PRKCQ: variants seen among roughly 807,000 people sequenced by gnomAD.
PRKCQ encodes protein kinase C theta type.
A neutral mutation model predicts 91.2 loss-of-function variants in PRKCQ; 41 were observed. That is an observed-to-expected ratio of 0.45 (90% confidence interval 0.35 to 0.58). The LOEUF is 0.58. Ranked by LOEUF, PRKCQ falls within the 20% of genes least tolerant of loss-of-function variation. PRKCQ has a pLI of 0.00. For missense variants in PRKCQ, 673 were observed against 896.5 expected (o/e 0.75, Z 3.18); for synonymous variants, 307 against 316.9 (o/e 0.97, Z 0.33).
At chr10:6,526,494 G>A (rs942021853) in intron 1 of PRKCQ, among the ~76,000 whole-genome samples, 2 of 152,126 alleles carry the variant, frequency 1.3e-5, no homozygotes, top group East Asian at 1.9e-4. Flanking sequence ...TGGGTGGGGC[G>A]GCAGGGAGGG....
the PRKCQ span, among the ~76,000 whole-genome samples, chr10:6,417,564 C>T: frequency 1.3e-5 from 2 of 152,210 alleles, no homozygotes; most frequent in East Asian, 1.9e-4. Context: ...ACGATGCCAG[C>T]GTGATGCTCA....
chr10:6,511,745 A>C (rs189498127), intron 2 of PRKCQ, among the ~76,000 whole-genome samples: 140 of 152,306 alleles, frequency 9.2e-4, no homozygotes, highest in African/African-American at 2.2e-3. Context: ...TGATCTGGTG[A>C]GTTTCAGTTC....
At chr10:6,463,863 C>T (rs947739269) in intron 13 of PRKCQ, among the ~76,000 whole-genome samples, 11 of 152,148 alleles carry the variant, frequency 7.2e-5, no homozygotes, top group Admixed American at 3.3e-4. Context: ...CTCAGGCTGC[C>T]GGCACTAGGA....
chr10:6,456,536 GT>G, intron 15 of PRKCQ, 137 bp downstream of exon 15: 2 of 1,134,104 alleles, frequency 1.8e-6, no homozygotes, highest in Non-Finnish European at 2.4e-6. Context: ...GCATGGTGGC[GT>G]TTATGAGATA....
chr10:6,426,881 C>T (rs12248358), downstream of PRKCQ, among the ~76,000 whole-genome samples: 14,027 of 152,120 alleles, frequency 0.092, 2,117 homozygotes, highest in African/African-American at 0.32. Context: ...GATTATAGGC[C>T]CCCGCCACCA....
Position 6,479,089 on chromosome 10 carries a change from T to A in PRKCQ, c.1256A>T (p.Asp419Val). 1 of 1,614,212 alleles carries A rather than the reference T, an allele frequency of 6.2e-7. No individual in the cohort carries two copies. Among genetic ancestry groups the A allele is most frequent in the Non-Finnish European group, 8.5e-7 (1 of 1,180,040 alleles). Residue 419 changes from aspartate to valine, a missense_variant, in exon 12 of 18, where the codon GAC (aspartate) becomes GTC (valine). Physicochemically the swap from Asp to Val is radical, Grantham distance 152. Coordinates refer to ENST00000263125, the MANE Select transcript of PRKCQ (RefSeq NM_006257.5). Reference protein sequence around the residue: ...KALKKDVVLMDDDVECTMVEK... With the variant: ...KALKKDVVLMVDDVECTMVEK... ...TACCATCGTGCACTCAACATCATCGTCCATCAAGACCACATCTTTCTTTAA... is the reference window on the plus strand; with the variant it reads ...TACCATCGTGCACTCAACATCATCGACCATCAAGACCACATCTTTCTTTAA...
intron 1 of PRKCQ, among the ~76,000 whole-genome samples, chr10:6,538,288 C>T (rs1839655862): frequency 6.6e-6 from 1 of 152,242 alleles, no homozygotes; most frequent in African/African-American, 2.4e-5. Flanking sequence ...GGTATGCCAG[C>T]CTGGGCCAAC....
At chr10:6,499,961 T>C (rs11259245) in intron 4 of PRKCQ, among the ~76,000 whole-genome samples, 15,319 of 152,284 alleles carry the variant, frequency 0.1, 1,087 homozygotes, top group Admixed American at 0.18. Flanking sequence ...TGTCCGCAGA[T>C]TTGTTTTATG....
chr10:6,413,420 A>G, the PRKCQ span, among the ~76,000 whole-genome samples: 1 of 152,110 alleles, frequency 6.6e-6, no homozygotes, highest in Non-Finnish European at 1.5e-5. Context: ...ATTCTTCAAC[A>G]TGAATATTTT....
At chr10:6,421,485 A>T in the PRKCQ span, among the ~76,000 whole-genome samples, 1 of 152,196 alleles carries the variant, frequency 6.6e-6, no homozygotes, top group African/African-American at 2.4e-5. The surrounding 1 kb of genome is among the most constrained non-coding windows in gnomAD (Gnocchi z 4.1). Context: ...GCCTGTCTCA[A>T]AGAAAGAAAA....
chr10:6,456,283 CTG>C (rs1214335786), intron 15 of PRKCQ, among the ~76,000 whole-genome samples: 9 of 152,248 alleles, frequency 5.9e-5, no homozygotes, highest in African/African-American at 2.2e-4. Context: ...GGCAATCACT[CTG>C]TGCTTACATC....
downstream of PRKCQ, among the ~76,000 whole-genome samples, chr10:6,424,801 C>A (rs1833078475): frequency 6.6e-6 from 1 of 152,192 alleles, no homozygotes; most frequent in South Asian, 2.1e-4. Context: ...CTCTCGTGCA[C>A]AGGGAGCTCT....
At chr10:6,460,485 T>C (rs1252905153) in intron 14 of PRKCQ, among the ~76,000 whole-genome samples, 1 of 152,100 alleles carries the variant, frequency 6.6e-6, no homozygotes, top group Admixed American at 6.6e-5. Flanking sequence ...TTCCCCTTTT[T>C]TTTTTTTAAC....
At chr10:6,490,291 A>G (rs1837212564) in intron 8 of PRKCQ, among the ~76,000 whole-genome samples, 1 of 152,118 alleles carries the variant, frequency 6.6e-6, no homozygotes, top group Admixed American at 6.5e-5. Context: ...GAAGGGGAGA[A>G]TGCGGAAGAT....
At chr10:6,489,597 G>C (rs1235737529) in intron 8 of PRKCQ, 1 of 415,146 alleles carries the variant, frequency 2.4e-6, no homozygotes, top group Non-Finnish European at 5.0e-6. Context: ...GAGAAGAGTC[G>C]AGAAAGGAGG....
intron 8 of PRKCQ, among the ~76,000 whole-genome samples, chr10:6,490,837 C>T (rs922820100): frequency 6.6e-6 from 1 of 151,306 alleles, no homozygotes; most frequent in South Asian, 2.1e-4. Context: ...ATTCTCTGGG[C>T]TCTGCCCACG....
rs753698547 is a variant in PRKCQ at position 6,515,131 on chromosome 10, G to A, written c.5C>T (p.Ser2Leu). Residue 2 changes from serine (S) to leucine (L), a missense_variant, in exon 2 of 18, where the codon TCG (serine) becomes TTG (leucine). By Grantham distance (145) the Ser-to-Leu change is moderately radical (BLOSUM62 -2). Coordinates refer to ENST00000263125, the MANE Select transcript of PRKCQ (RefSeq NM_006257.5). Reference protein sequence around the residue: MSPFLRIGLSNF... With the variant: MLPFLRIGLSNF... ...GGACAAGCCAATCCGAAGAAATGGC[G>A]ACATGGTTGCGCCCTGGAAAAAGAC... 31 of 1,613,382 alleles carry A rather than the reference G, an allele frequency of 1.9e-5. No individual in the cohort carries two copies. Among genetic ancestry groups the A allele is most frequent in the Admixed American group, 3.3e-5 (2 of 59,786 alleles).
Position 6,462,366 on chromosome 10 carries a change from C to CT in PRKCQ, c.1446-2dup. ...AAGAATGATTTCAGCAGCATAAAAC[C>CT]TGGGGGAAGGAGAACCAAGGTTCAA... On this transcript the variant is annotated splice_acceptor_variant, in intron 13 of 17. Transcript: ENST00000263125. LOFTEE classifies it high-confidence loss of function. 6.2e-7 allele frequency: 1 copy of CT among 1,613,670 alleles called. No individual in the cohort carries two copies.
At chr10:6,446,721 TTCTC>T (rs985469204) in intron 15 of PRKCQ, among the ~76,000 whole-genome samples, 1 of 152,212 alleles carries the variant, frequency 6.6e-6, no homozygotes, top group African/African-American at 2.4e-5. Context: ...GGTGGCCCCT[TTCTC>T]TCTCAGCCCC....
Sources: allele counts gnomAD v4.1 joint callset (sites outside exome capture counted in the v4.1 genomes callset), GRCh38; gene constraint gnomAD v4.1.1; non-coding constraint Gnocchi (gnomAD v3.1); transcripts MANE v1.5; gene names NCBI Gene and HGNC (gene_info 2026-07-23, HGNC 2026-07-21).